The following RANBP2 variants were observed in gnomAD, a reference collection of about 807,000 sequenced individuals.
RANBP2 encodes the protein E3 SUMO-protein ligase RanBP2.
Under a neutral mutation model 303.6 loss-of-function variants are expected in RANBP2, and 57 were observed. That is an observed-to-expected ratio of 0.19 (90% CI 0.15 to 0.23). The LOEUF (loss-of-function observed/expected upper bound fraction) is 0.23, where lower values mean the gene tolerates loss of function less well. Ranked by LOEUF, RANBP2 falls within the 10% of genes least tolerant of loss-of-function variation. RANBP2 has a pLI of 1.00. For synonymous variants in RANBP2, 1,167 were observed against 1,301.5 expected (o/e 0.90, Z 2.23); for missense variants, 3,138 against 3,780.8 (o/e 0.83, Z 4.46).
the RANBP2 span, among the ~76,000 whole-genome samples, chr2:109,517,099 C>T: frequency 8.5e-5 from 13 of 152,188 alleles, no homozygotes; most frequent in African/African-American, 2.7e-4. Flanking sequence ...GGCCTAGAAC[C>T]GGCCAGAAAC....
the RANBP2 span, among the ~76,000 whole-genome samples, chr2:109,344,793 G>A: frequency 8.5e-5 from 13 of 152,300 alleles, no homozygotes; most frequent in African/African-American, 3.1e-4. Context: ...GCAGCTGAGT[G>A]GGGATTTCAT....
the RANBP2 span, among the ~76,000 whole-genome samples, chr2:109,098,557 C>G: frequency 6.6e-6 from 1 of 152,216 alleles, no homozygotes; most frequent in African/African-American, 2.4e-5. Flanking sequence ...GACTGATACA[C>G]TCTTTGTTCT....
the RANBP2 span, among the ~76,000 whole-genome samples, chr2:109,446,065 G>T: frequency 6.6e-6 from 1 of 152,104 alleles, no homozygotes; most frequent in Admixed American, 6.5e-5. Context: ...GAAGATGTGG[G>T]CTACTTTGGC....
chr2:108,863,087 A>G, the RANBP2 span, among the ~76,000 whole-genome samples: 2 of 152,214 alleles, frequency 1.3e-5, no homozygotes, highest in Non-Finnish European at 2.9e-5. Flanking sequence ...TTAATTTGAT[A>G]TCTTTCTATC....
At chr2:109,542,597 G>A in the RANBP2 span, among the ~76,000 whole-genome samples, 1 of 152,178 alleles carries the variant, frequency 6.6e-6, no homozygotes, top group African/African-American at 2.4e-5. Flanking sequence ...ACTAAGTACC[G>A]TGATGCTGGC....
chr2:109,079,082 C>T, the RANBP2 span, among the ~76,000 whole-genome samples: 1 of 152,104 alleles, frequency 6.6e-6, no homozygotes, highest in Non-Finnish European at 1.5e-5. Flanking sequence ...GACCCTTGAA[C>T]AACATGCGTT....
At chr2:109,545,106 G>GT in the RANBP2 span, 2 of 985,422 alleles carry the variant, frequency 2.0e-6, no homozygotes, top group South Asian at 4.7e-5. Context: ...AATAGATGCA[G>GT]TGAGAGCATT....
At chr2:108,757,520 CATA>C (rs2149250322) in intron 17 of RANBP2, among the ~76,000 whole-genome samples, 1 of 152,288 alleles carries the variant, frequency 6.6e-6, no homozygotes, top group African/African-American at 2.4e-5. Flanking sequence ...TTATTATATA[CATA>C]ATAAATTCTC....
downstream of RANBP2, chr2:108,786,965 G>A (rs756988156): frequency 1.5e-6 from 2 of 1,300,384 alleles, no homozygotes; most frequent in East Asian, 3.1e-5. Context: ...GCTGGGGGGC[G>A]GCCCGCTCCG....
chr2:109,296,234 T>TATTATTATTATTATTATTATTATC, the RANBP2 span, among the ~76,000 whole-genome samples: 1 of 151,878 alleles, frequency 6.6e-6, no homozygotes, highest in African/African-American at 2.4e-5. Flanking sequence ...GTATTATTAT[T>TATTATTATTATTATTATTATTATC]ATTATTATTC....
At chr2:109,629,458 T>C in the RANBP2 span, among the ~76,000 whole-genome samples, 1 of 150,476 alleles carries the variant, frequency 6.6e-6, no homozygotes, top group African/African-American at 2.4e-5. Flanking sequence ...ATTTACTAAG[T>C]TGAGAATTGA....
the RANBP2 span, among the ~76,000 whole-genome samples, chr2:109,281,046 C>T: frequency 2.0e-5 from 3 of 152,184 alleles, no homozygotes; most frequent in Non-Finnish European, 2.9e-5. Flanking sequence ...TCCCCAGAGC[C>T]GACCTTGTAT....
At chr2:109,543,207 A>G in the RANBP2 span, 2 of 152,606 alleles carry the variant, frequency 1.3e-5, no homozygotes, top group Non-Finnish European at 2.9e-5. Context: ...TTATTTTCTT[A>G]AAAAGTATTT....
chr2:109,336,186 C>T, the RANBP2 span, among the ~76,000 whole-genome samples: 1 of 152,274 alleles, frequency 6.6e-6, no homozygotes, highest in East Asian at 1.9e-4. Flanking sequence ...TCAAAAATCA[C>T]CACGTGCCTA....
chr2:109,613,259 G>A, the RANBP2 span: 32,564 of 1,078,400 alleles, frequency 0.03, 648 homozygotes, highest in South Asian at 0.07. Flanking sequence ...GAACAAACGC[G>A]TTCTTTTAGA....
chr2:109,668,654 T>A, the RANBP2 span, among the ~76,000 whole-genome samples: 1 of 152,180 alleles, frequency 6.6e-6, no homozygotes, highest in Admixed American at 6.5e-5. Context: ...AAAGCAACCA[T>A]GTACATACAG....
At chr2:109,551,882 G>A in the RANBP2 span, among the ~76,000 whole-genome samples, 25 of 152,306 alleles carry the variant, frequency 1.6e-4, no homozygotes, top group Non-Finnish European at 3.4e-4. Context: ...CAAAACTACA[G>A]AAGTTCAGTG....
chr2:109,474,235 G>A, the RANBP2 span, among the ~76,000 whole-genome samples: 4 of 152,144 alleles, frequency 2.6e-5, no homozygotes, highest in Non-Finnish European at 5.9e-5. Flanking sequence ...GTGGGTGTGG[G>A]CACATTTGTC....
chr2:109,127,279 TGAGAGAGAGAGA>T, the RANBP2 span: 14 of 147,910 alleles, frequency 9.5e-5, no homozygotes, highest in African/African-American at 3.2e-4. Context: ...CAGTAGGTGA[TGAGAGAGAGAGA>T]GAGAGAGAGG....
Sources: allele counts gnomAD v4.1 joint callset (sites outside exome capture counted in the v4.1 genomes callset), GRCh38; gene constraint gnomAD v4.1.1; transcripts MANE v1.5; gene names NCBI Gene and HGNC (gene_info 2026-07-23, HGNC 2026-07-21).